Variants in CNTN1 observed in about 807,000 individuals in gnomAD.
CNTN1 encodes contactin 1.
A neutral mutation model predicts 126.4 loss-of-function variants in CNTN1; 38 were observed. The ratio of observed to expected loss-of-function variants is 0.30; its 90% CI spans 0.23 to 0.39. The LOEUF (loss-of-function observed/expected upper bound fraction) is 0.39. Among genes scored for constraint, CNTN1 ranks in the 10% least tolerant of loss-of-function variants. The pLI is 1.00. For missense variants in CNTN1, 1,009 were observed against 1,248.4 expected (o/e 0.81, Z 2.89); for synonymous variants, 413 against 422.6 (o/e 0.98, Z 0.28).
At chr12:40,724,223 TAGG>T (rs149302976) in intron 1 of CNTN1, among the ~76,000 whole-genome samples, 181 of 152,278 alleles carry the variant, frequency 1.2e-3, no homozygotes, top group African/African-American at 4.1e-3. Flanking sequence ...TCCCGGATAC[TAGG>T]AGAAGTTTGC....
intron 1 of CNTN1, among the ~76,000 whole-genome samples, chr12:40,744,412 C>A (rs988986408): frequency 1.3e-5 from 2 of 151,914 alleles, no homozygotes; most frequent in African/African-American, 4.8e-5. Context: ...GAATAGCCTG[C>A]ATTTGGGAAC....
intron 15 of CNTN1, among the ~76,000 whole-genome samples, chr12:40,961,785 A>G (rs1947113632): frequency 1.3e-5 from 2 of 152,122 alleles, no homozygotes; most frequent in Non-Finnish European, 2.9e-5. Flanking sequence ...AGAATAAAAT[A>G]CTAATACATT....
At chr12:40,947,202 T>G (rs1416040991) in intron 14 of CNTN1, among the ~76,000 whole-genome samples, 1 of 152,014 alleles carries the variant, frequency 6.6e-6, no homozygotes, top group Non-Finnish European at 1.5e-5. Context: ...GAGTTAAACA[T>G]CTAAAAATTT....
chr12:40,997,916 T>G (rs2120561138), intron 17 of CNTN1, among the ~76,000 whole-genome samples: 1 of 152,304 alleles, frequency 6.6e-6, no homozygotes, highest in Non-Finnish European at 1.5e-5. Context: ...TCATATCCAG[T>G]ACTGGAATCT....
At chr12:40,759,297 G>A (rs1256301663) in intron 1 of CNTN1, among the ~76,000 whole-genome samples, 1 of 152,140 alleles carries the variant, frequency 6.6e-6, no homozygotes, top group Non-Finnish European at 1.5e-5. Flanking sequence ...AGTTCTGATT[G>A]GTTGATAGAA....
intron 14 of CNTN1, among the ~76,000 whole-genome samples, chr12:40,949,254 A>G (rs1331186585): frequency 6.7e-6 from 1 of 149,762 alleles, no homozygotes; most frequent in Non-Finnish European, 1.5e-5. Flanking sequence ...CATTTTATGT[A>G]GAATGCTTAT....
intron 23 of CNTN1, among the ~76,000 whole-genome samples, chr12:41,060,576 G>A (rs1002623035): frequency 6.6e-6 from 1 of 152,134 alleles, no homozygotes; most frequent in African/African-American, 2.4e-5. Flanking sequence ...TACTCCTGGT[G>A]ATAACTCAGT....
At chr12:40,872,597 G>C (rs1488384994) in intron 1 of CNTN1, among the ~76,000 whole-genome samples, 3 of 122,074 alleles carry the variant, frequency 2.5e-5, no homozygotes, top group African/African-American at 9.5e-5. Flanking sequence ...TTTTGAGATG[G>C]AGTCTGGCTG....
At chr12:40,916,790 G>A (rs78852807) in intron 3 of CNTN1, among the ~76,000 whole-genome samples, 1,873 of 152,058 alleles carry the variant, frequency 0.012, 23 homozygotes, top group African/African-American at 0.041. Context: ...TTTTCTGAAT[G>A]TACGAGCCCT....
rs532486271 is a variant in CNTN1 at position 40,983,590 on chromosome 12, G to A, written c.1963+2523G>A. Reference sequence around the variant, plus strand: ...ATATTCAAACACATACATACTTAATGAATACTCTAGGGCTTACCAGATACA... The same window carrying A: ...ATATTCAAACACATACATACTTAATAAATACTCTAGGGCTTACCAGATACA... On this transcript the variant is annotated intron_variant, in intron 16 of 23. Coordinates refer to ENST00000551295, the MANE Select transcript of CNTN1 (RefSeq NM_001843.4). Among the ~76,000 whole-genome samples the A allele has an allele frequency of 2.6e-3, 391 of 151,436 alleles. 1 individual carries two copies. The highest frequency in any genetic ancestry group is 8.9e-3 in the African/African-American group (368 of 41,344).
chr12:40,954,922 G>C (rs1269692741), intron 14 of CNTN1, among the ~76,000 whole-genome samples: 5 of 151,986 alleles, frequency 3.3e-5, no homozygotes, highest in Admixed American at 1.3e-4. Context: ...CAGAGTTTTT[G>C]GGGGGACTTC....
At chr12:40,927,524 C>A (rs1353784740) in intron 6 of CNTN1, among the ~76,000 whole-genome samples, 1 of 152,058 alleles carries the variant, frequency 6.6e-6, no homozygotes, top group Non-Finnish European at 1.5e-5. Context: ...CCCTATTAGG[C>A]CTTGGATCCC....
In CNTN1 at chr12:40,767,470, A is replaced by G. The variant is rs556062880; in HGVS notation, c.-77+74878A>G. Among the ~76,000 whole-genome samples the G allele has an allele frequency of 1.1e-4, 16 of 149,978 alleles. No individual in the cohort carries two copies. In the South Asian group the frequency reaches 3.2e-3, roughly 30 times the overall value. ...ACTACAGGCGTGCACCACCTCGCCC[A>G]GCTAATTTTCTGTATTTTTAGTAGA... is the stretch of plus-strand genomic sequence containing the variant. On this transcript the variant is annotated intron_variant, in intron 1 of 23. Coordinates refer to ENST00000551295, the MANE Select transcript of CNTN1 (RefSeq NM_001843.4).
intron 1 of CNTN1, among the ~76,000 whole-genome samples, chr12:40,702,101 T>A (rs1242624436): frequency 3.5e-4 from 1 of 2,878 alleles, no homozygotes; most frequent in East Asian, 0.25. Flanking sequence ...TTGTATCGGA[T>A]TTTTTTTTTT....
intron 1 of CNTN1, among the ~76,000 whole-genome samples, chr12:40,724,788 T>C (rs1942306961): frequency 6.6e-6 from 1 of 152,202 alleles, no homozygotes; most frequent in Admixed American, 6.5e-5. Context: ...AGGACATGCT[T>C]TTCCAATTAA....
chr12:40,767,390 G>C (rs1295708419), intron 1 of CNTN1, among the ~76,000 whole-genome samples: 2 of 128,588 alleles, frequency 1.6e-5, no homozygotes, highest in African/African-American at 2.9e-5. Context: ...CTCACTGCAA[G>C]CTCTGCCTCC....
chr12:40,718,347 C>CT (rs1182742737), intron 1 of CNTN1, among the ~76,000 whole-genome samples: 4 of 150,346 alleles, frequency 2.7e-5, no homozygotes, highest in East Asian at 3.9e-4. Flanking sequence ...TTTTTTTTTT[C>CT]TTTTTTGTAT....
chr12:41,026,042 G>A (rs1464836190), intron 21 of CNTN1, among the ~76,000 whole-genome samples: 9 of 152,198 alleles, frequency 5.9e-5, no homozygotes. Flanking sequence ...ACAGAATGTA[G>A]TGACAAGAAC....
chr12:41,028,647 A>G (rs12831849), intron 22 of CNTN1, among the ~76,000 whole-genome samples: 2,459 of 152,308 alleles, frequency 0.016, 42 homozygotes, highest in Non-Finnish European at 0.023. Context: ...TATTCTTTAT[A>G]TCACACACTA....
Sources: gnomAD v4.1 joint callset for allele counts (sites outside exome capture counted in the v4.1 genomes callset) on GRCh38, gnomAD v4.1.1 for gene constraint, MANE v1.5 for transcripts, NCBI Gene and HGNC (gene_info 2026-07-23, HGNC 2026-07-21) for gene names.